Variants in EPS15 observed in about 807,000 individuals in gnomAD.
EPS15 encodes epidermal growth factor receptor pathway substrate 15.
EPS15 carries 72 observed loss-of-function variants against 113.8 expected under a neutral mutation model. The ratio of observed to expected loss-of-function variants is 0.63; its 90% CI spans 0.52 to 0.77. EPS15 has a LOEUF of 0.77. Ranked by LOEUF, EPS15 falls within the 30% of genes least tolerant of loss-of-function variation. The pLI, the probability that EPS15 is intolerant of heterozygous loss-of-function variation, is 0.00. For missense variants in EPS15, 1,048 were observed against 1,045.8 expected (o/e 1.00, Z -0.03); for synonymous variants, 344 against 363.4 (o/e 0.95, Z 0.61).
intron 12 of EPS15, among the ~76,000 whole-genome samples, chr1:51,438,109 C>T (rs1037175459): frequency 5.9e-5 from 9 of 152,136 alleles, no homozygotes; most frequent in African/African-American, 1.9e-4. Flanking sequence ...ATGAGTCTGA[C>T]TATGACACTA....
At chr1:51,461,521 T>TAAAAAAA (rs34184025) in intron 7 of EPS15, among the ~76,000 whole-genome samples, 1 of 85,040 alleles carries the variant, frequency 1.2e-5, no homozygotes, top group African/African-American at 3.9e-5. Context: ...CACTGTTTCT[T>TAAAAAAA]AAAAAAAAAA....
intron 3 of EPS15, among the ~76,000 whole-genome samples, chr1:51,472,008 ATT>A (rs57128370): frequency 4.1e-5 from 6 of 145,194 alleles, no homozygotes; most frequent in Admixed American, 1.4e-4. Flanking sequence ...TTCTTTTATG[ATT>A]TTTTTTTTTT....
chr1:51,424,746 T>C (rs190634845), intron 12 of EPS15, among the ~76,000 whole-genome samples: 1 of 151,800 alleles, frequency 6.6e-6, no homozygotes, highest in Non-Finnish European at 1.5e-5. Flanking sequence ...CTACTAAAAA[T>C]ACAAAAATTA....
chr1:51,397,181 C>G (rs1398763034), intron 20 of EPS15: 1 of 152,158 alleles, frequency 6.6e-6, no homozygotes. Flanking sequence ...CACCTGGCCT[C>G]AACTTAACCT....
chr1:51,444,033 A>G (rs1371593047), intron 11 of EPS15, among the ~76,000 whole-genome samples: 1 of 152,168 alleles, frequency 6.6e-6, no homozygotes, highest in Non-Finnish European at 1.5e-5. Flanking sequence ...ATATTCTATG[A>G]TATTTTAAAG....
intron 17 of EPS15, among the ~76,000 whole-genome samples, chr1:51,402,743 TGAAAC>T (rs2148419671): frequency 6.6e-6 from 1 of 152,080 alleles, no homozygotes; most frequent in African/African-American, 2.4e-5. Context: ...GCCAAAATGG[TGAAAC>T]CCCGTCTCTA....
intron 2 of EPS15, among the ~76,000 whole-genome samples, chr1:51,473,340 CAT>C (rs1655380030): frequency 2.0e-5 from 3 of 152,196 alleles, no homozygotes; most frequent in African/African-American, 7.2e-5. Context: ...AATAGTTGCA[CAT>C]GTTATGTGCC....
chr1:51,508,342 AAGAAAG>A (rs1557537225), intron 1 of EPS15, among the ~76,000 whole-genome samples: 1 of 102,830 alleles, frequency 9.7e-6, no homozygotes, highest in South Asian at 3.0e-4. Context: ...GAAAGAGAGA[AAGAAAG>A]AAAGAAAGAA....
rs188995492 is a variant in EPS15, at chr1:51,424,242, A to G, written c.1041-2384T>C. 9.7e-4 allele frequency among the ~76,000 whole-genome samples: 148 copies of G among 152,308 alleles called. 1 individual carries two copies. Among genetic ancestry groups the G allele is most frequent in the African/African-American group, 3.5e-3 (147 of 41,564 alleles). On this transcript the variant is annotated intron_variant, in intron 12 of 24. Transcript: ENST00000371733. ...ACTTGTCCTGTATATCAGACTGAAA[A>G]TCAAGTAATTTTCTTGACCTAGTTT...
At chr1:51,404,740 A>G (rs1648933813) in intron 16 of EPS15, among the ~76,000 whole-genome samples, 1 of 152,196 alleles carries the variant, frequency 6.6e-6, no homozygotes, top group Non-Finnish European at 1.5e-5. Context: ...TTTCTGACCT[A>G]AAATTGGTCA....
At chr1:51,383,693 G>A (rs563251383) in intron 21 of EPS15, among the ~76,000 whole-genome samples, 31 of 152,252 alleles carry the variant, frequency 2.0e-4, no homozygotes, top group Non-Finnish European at 3.5e-4. Flanking sequence ...GTACTGGTCC[G>A]TGGCCCAGGG....
chr1:51,513,737 C>T (rs1157032362), intron 1 of EPS15, among the ~76,000 whole-genome samples: 10 of 152,236 alleles, frequency 6.6e-5, no homozygotes, highest in African/African-American at 1.9e-4. Context: ...TCATAGGTTA[C>T]GCTTTGTTAA....
Position 51,406,092 on chromosome 1 carries a change from A to G in EPS15, c.1490T>C (p.Met497Thr). 6.2e-7 allele frequency: 1 copy of G among 1,613,336 alleles called. No homozygotes were observed. The highest frequency in any genetic ancestry group is 1.1e-5 in the South Asian group (1 of 91,044). Residue 497 changes from methionine (M) to threonine (T), a missense_variant, in exon 16 of 25, where the codon ATG (methionine) becomes ACG (threonine). Transcript: ENST00000371733. Reference sequence around the variant, plus strand: ...ATGATTTTCCAAATCTTTCATTTCCATCAGTTTCATTTGCATCTGCCAACA... The same window carrying G: ...ATGATTTTCCAAATCTTTCATTTCCGTCAGTTTCATTTGCATCTGCCAACA... ...QEISSMQMKL[M>T]EMKDLENHNS...
chr1:51,459,951 AAAG>A (rs1459417922), intron 8 of EPS15, among the ~76,000 whole-genome samples: 1 of 152,164 alleles, frequency 6.6e-6, no homozygotes, highest in Non-Finnish European at 1.5e-5. Flanking sequence ...TTTAAAATAA[AAAG>A]AATAAGAAAA....
At chr1:51,512,912 C>T (rs955140255) in intron 1 of EPS15, among the ~76,000 whole-genome samples, 3 of 141,480 alleles carry the variant, frequency 2.1e-5, no homozygotes, top group Non-Finnish European at 4.5e-5. Flanking sequence ...TGCAGTGGTG[C>T]AATTATAGCT....
intron 1 of EPS15, 148 bp from the exon 2 acceptor site, chr1:51,481,462 G>T: frequency 1.7e-6 from 1 of 592,498 alleles, no homozygotes; most frequent in Non-Finnish European, 3.0e-6. Flanking sequence ...TCTTCTTGGG[G>T]AGCGTGAGAC....
intron 13 of EPS15, among the ~76,000 whole-genome samples, chr1:51,416,481 C>T (rs1650233122): frequency 6.6e-6 from 1 of 152,102 alleles, no homozygotes; most frequent in Admixed American, 6.5e-5. Context: ...GGTTACTCAT[C>T]TAGAAATTAA....
chr1:51,455,767 C>T (rs72696148), intron 8 of EPS15, among the ~76,000 whole-genome samples: 4,576 of 152,040 alleles, frequency 0.03, 75 homozygotes, highest in African/African-American at 0.05. Flanking sequence ...TACACAATCA[C>T]AGATATTTTA....
intron 7 of EPS15, chr1:51,461,897 A>C (rs1654479225): frequency 6.6e-6 from 1 of 152,224 alleles, no homozygotes; most frequent in Admixed American, 6.5e-5. Context: ...AATAAGCAGG[A>C]CTTAACATTC....
Sources: allele counts gnomAD v4.1 joint callset (sites outside exome capture counted in the v4.1 genomes callset), GRCh38; gene constraint gnomAD v4.1.1; transcripts MANE v1.5; gene names NCBI Gene and HGNC (gene_info 2026-07-23, HGNC 2026-07-21).